The following JMJD1C variants were observed in gnomAD, a reference collection of about 807,000 sequenced individuals.
JMJD1C encodes the protein jumonji domain-containing protein 1C.
JMJD1C carries 31 observed loss-of-function variants against 245.3 expected under a neutral mutation model. That is an observed-to-expected ratio of 0.13 (90% CI 0.09 to 0.17). JMJD1C has a LOEUF of 0.17. Among genes scored for constraint, JMJD1C ranks in the 10% least tolerant of loss-of-function variants. The pLI is 1.00. For missense variants in JMJD1C, 2,691 were observed against 3,000.2 expected (o/e 0.90, Z 2.41); for synonymous variants, 1,057 against 1,017.4 (o/e 1.04, Z -0.74).
At chr10:63,377,484 C>T (rs1240113184) in intron 2 of JMJD1C, among the ~76,000 whole-genome samples, 1 of 152,062 alleles carries the variant, frequency 6.6e-6, no homozygotes, top group African/African-American at 2.4e-5. Context: ...CCTGTAATCC[C>T]AGCACTTTGG....
At chr10:63,270,787 C>T (rs1042317621) in intron 2 of JMJD1C, among the ~76,000 whole-genome samples, 6 of 152,170 alleles carry the variant, frequency 3.9e-5, no homozygotes, top group African/African-American at 1.2e-4. Flanking sequence ...TTTCTCGTTT[C>T]ATAGTGGAGA....
intron 2 of JMJD1C, among the ~76,000 whole-genome samples, chr10:63,301,493 G>A (rs1025489967): frequency 1.3e-5 from 2 of 152,188 alleles, no homozygotes; most frequent in Non-Finnish European, 1.5e-5. Flanking sequence ...ACACATACAT[G>A]CACACTTAAG....
intron 24 of JMJD1C, among the ~76,000 whole-genome samples, chr10:63,170,709 T>C (rs559012318): frequency 4.9e-4 from 74 of 152,342 alleles, no homozygotes; most frequent in Admixed American, 8.5e-4. Flanking sequence ...TAACCTTTAT[T>C]AGTGCTTACA....
chr10:63,200,808 A>G (rs951724012), intron 10 of JMJD1C, 131 bp from the exon 11 acceptor site: 19 of 753,316 alleles, frequency 2.5e-5, no homozygotes, highest in Non-Finnish European at 3.7e-5. Flanking sequence ...AAAGACATTA[A>G]GAGCTCTAGG....
At chr10:63,384,103 A>G (rs982631543) in intron 1 of JMJD1C, among the ~76,000 whole-genome samples, 2 of 152,188 alleles carry the variant, frequency 1.3e-5, no homozygotes, top group Non-Finnish European at 2.9e-5. Flanking sequence ...TTGCCCATCC[A>G]TAAGAAACAA....
intron 2 of JMJD1C, among the ~76,000 whole-genome samples, chr10:63,345,847 G>C (rs1349563769): frequency 6.6e-6 from 1 of 151,344 alleles, no homozygotes; most frequent in Non-Finnish European, 1.5e-5. Flanking sequence ...TTTTTTTCCA[G>C]AAATCATACT....
At chr10:63,322,710 G>A (rs943371190) in intron 2 of JMJD1C, among the ~76,000 whole-genome samples, 11 of 150,336 alleles carry the variant, frequency 7.3e-5, no homozygotes, top group Non-Finnish European at 1.5e-4. Context: ...GGCTGAGGCA[G>A]GAGAACTGCT....
chr10:63,461,803 G>A (rs1020730044), intron 1 of JMJD1C, among the ~76,000 whole-genome samples: 5 of 152,128 alleles, frequency 3.3e-5, no homozygotes, highest in Admixed American at 2.6e-4. Context: ...AAGAAAGGTA[G>A]ATAGATGGGT....
chr10:63,287,469 A>G (rs1858125984), intron 2 of JMJD1C, among the ~76,000 whole-genome samples: 1 of 152,236 alleles, frequency 6.6e-6, no homozygotes, highest in South Asian at 2.1e-4. Flanking sequence ...AACAAACAAA[A>G]CAAAGACATT....
At chr10:63,187,135 A>G (rs1191467794) in intron 18 of JMJD1C, among the ~76,000 whole-genome samples, 3 of 152,188 alleles carry the variant, frequency 2.0e-5, no homozygotes, top group Non-Finnish European at 4.4e-5. Flanking sequence ...TTTTTTAATT[A>G]CAAAAGACAT....
chr10:63,448,278 T>C (rs912058533), intron 1 of JMJD1C, among the ~76,000 whole-genome samples: 2 of 152,106 alleles, frequency 1.3e-5, no homozygotes, highest in Non-Finnish European at 2.9e-5. Context: ...TGCCTCAGCC[T>C]CTCAAGTAGC....
chr10:63,465,982 C>A (rs777580573), upstream of JMJD1C: 572 of 329,216 alleles, frequency 1.7e-3, 2 homozygotes, highest in Non-Finnish European at 2.8e-3. Flanking sequence ...AGTACTGCTC[C>A]GTCTCCCTCC....
chr10:63,189,488 A>G (rs1368181688), intron 17 of JMJD1C, 42 bp from the exon 18 acceptor site: 1 of 1,528,002 alleles, frequency 6.5e-7, no homozygotes, highest in Non-Finnish European at 8.8e-7. Context: ...TGTTTTTGAG[A>G]GAAATCAAAT....
At chr10:63,253,387 CT>C (rs199689399) in intron 3 of JMJD1C, among the ~76,000 whole-genome samples, 342 of 143,734 alleles carry the variant, frequency 2.4e-3, no homozygotes, top group Non-Finnish European at 2.3e-3. Context: ...TATATTACAC[CT>C]TTTTTTTTTT....
At chr10:63,403,743 C>T (rs1445033943) in intron 1 of JMJD1C, among the ~76,000 whole-genome samples, 6 of 152,138 alleles carry the variant, frequency 3.9e-5, no homozygotes, top group Non-Finnish European at 1.5e-5. Context: ...TTGAGATCAA[C>T]CTGGCCAATA....
chr10:63,296,013 A>ATTTTTTT (rs373671324), intron 2 of JMJD1C, among the ~76,000 whole-genome samples: 2,831 of 84,184 alleles, frequency 0.034, 223 homozygotes, highest in South Asian at 0.048. Flanking sequence ...GTATATATAT[A>ATTTTTTT]TTTTTTTTTT....
intron 11 of JMJD1C, among the ~76,000 whole-genome samples, 196 bp from the exon 12 acceptor site, chr10:63,198,923 A>G (rs1845734349): frequency 6.6e-6 from 1 of 152,188 alleles, no homozygotes; most frequent in Non-Finnish European, 1.5e-5. Flanking sequence ...GCAAATGGCA[A>G]TAAGTAGTAG....
intron 4 of JMJD1C, among the ~76,000 whole-genome samples, chr10:63,219,228 T>C (rs747609388): frequency 2.0e-5 from 3 of 152,172 alleles, no homozygotes; most frequent in Non-Finnish European, 4.4e-5. Flanking sequence ...TCTTGACACT[T>C]AATGGCATGG....
At chr10:63,467,506 C>A (rs1953343298), upstream of JMJD1C, among the ~76,000 whole-genome samples, 1 of 152,132 alleles carries the variant, frequency 6.6e-6, no homozygotes, top group Non-Finnish European at 1.5e-5. Flanking sequence ...AAAACTCAGT[C>A]CCCCCGAAAA....
Sources: gnomAD v4.1 joint callset for allele counts (sites outside exome capture counted in the v4.1 genomes callset) on GRCh38, gnomAD v4.1.1 for gene constraint, MANE v1.5 for transcripts, NCBI Gene and HGNC (gene_info 2026-07-23, HGNC 2026-07-21) for gene names.